Variants in MCCC1 observed in about 807,000 individuals in gnomAD.
MCCC1 encodes methylcrotonoyl-CoA carboxylase subunit alpha, mitochondrial.
In MCCC1, 64 loss-of-function variants were observed where a neutral mutation model predicts 83.8. That is an observed-to-expected ratio of 0.76 (90% CI 0.62 to 0.94). The LOEUF is 0.94. Ranked by LOEUF, MCCC1 falls within the 40% of genes least tolerant of loss-of-function variation. The pLI, the probability that MCCC1 is intolerant of heterozygous loss-of-function variation, is 0.00. For missense variants in MCCC1, 807 were observed against 904.7 expected (o/e 0.89, Z 1.39); for synonymous variants, 322 against 315.4 (o/e 1.02, Z -0.22).
At chr3:183,081,888 C>T (rs1434491853) in intron 4 of MCCC1, among the ~76,000 whole-genome samples, 1 of 152,182 alleles carries the variant, frequency 6.6e-6, no homozygotes, top group Non-Finnish European at 1.5e-5. Context: ...CACAGCTTGG[C>T]TTGCTCATGC....
chr3:183,040,556 C>CAAAAAAAA (rs59767617), intron 11 of MCCC1, among the ~76,000 whole-genome samples: 8 of 112,574 alleles, frequency 7.1e-5, no homozygotes, highest in East Asian at 2.6e-4. Context: ...ACTAAAAATA[C>CAAAAAAAA]AAAAAAAAAA....
At chr3:183,097,844 G>A (rs911581346) in intron 1 of MCCC1, among the ~76,000 whole-genome samples, 4 of 152,160 alleles carry the variant, frequency 2.6e-5, no homozygotes, top group African/African-American at 9.7e-5. Context: ...AAGAGCCCTG[G>A]AGGCCTAAGA....
At chr3:183,024,145 G>A (rs573546694) in intron 15 of MCCC1, among the ~76,000 whole-genome samples, 14 of 152,156 alleles carry the variant, frequency 9.2e-5, no homozygotes, top group Non-Finnish European at 1.9e-4. Flanking sequence ...AGTTACTTGG[G>A]AGGCTGAGGC....
Position 183,071,102 on chromosome 3 carries a change from A to C in MCCC1, c.658T>G (p.Ser220Ala). The C allele has an allele frequency of 6.2e-7, 1 of 1,614,202 alleles. No individual in the cohort carries two copies. The highest frequency in any genetic ancestry group is 8.5e-7 in the Non-Finnish European group (1 of 1,180,036). The change falls in exon 7 of 19, where the codon TCA becomes GCA. Residue 220 changes from serine (S) to alanine (A), a missense_variant. Physicochemically the swap from Ser to Ala is moderately conservative, Grantham distance 99 (BLOSUM62 1). Transcript: ENST00000265594. ...GGGKGMRIVR[S>A]EQEFQEQLES... is the part of the protein sequence containing the mutation. ...AACTGTTCTTGAAATTCTTGTTCTG[A>C]TCTAACAATCCTCATTCCCTAAGAG...
intron 15 of MCCC1, among the ~76,000 whole-genome samples, chr3:183,024,940 AAC>A (rs1712461908): frequency 6.6e-6 from 1 of 152,040 alleles, no homozygotes; most frequent in Non-Finnish European, 1.5e-5. Flanking sequence ...ATATACATAC[AAC>A]AGAGTATTTT....
chr3:183,071,489 A>C (rs1716686018), intron 5 of MCCC1, 132 bp from the exon 6 acceptor site: 8 of 1,284,258 alleles, frequency 6.2e-6, no homozygotes, highest in Non-Finnish European at 8.9e-6. Context: ...GAGACGACAA[A>C]ATAATACAAA....
chr3:183,103,886 G>T (rs892669104), upstream of MCCC1, among the ~76,000 whole-genome samples: 1 of 152,208 alleles, frequency 6.6e-6, no homozygotes, highest in African/African-American at 2.4e-5. Flanking sequence ...CCCGAGCCCT[G>T]CCCCGCGGGG....
chr3:183,046,424 A>C (rs1004339890), intron 9 of MCCC1, among the ~76,000 whole-genome samples: 1 of 148,646 alleles, frequency 6.7e-6, no homozygotes, highest in East Asian at 2.0e-4. Flanking sequence ...TTAAGATGGA[A>C]TCTCACTCTG....
chr3:183,030,564 A>C (rs945639691), intron 14 of MCCC1, among the ~76,000 whole-genome samples: 13 of 152,128 alleles, frequency 8.5e-5, no homozygotes, highest in African/African-American at 3.1e-4. Flanking sequence ...TTCTCTCCTC[A>C]TCCTGGTTTA....
At chr3:183,076,730 G>C (rs1009754630) in intron 4 of MCCC1, among the ~76,000 whole-genome samples, 3 of 152,130 alleles carry the variant, frequency 2.0e-5, no homozygotes, top group Admixed American at 2.0e-4. Context: ...TTTAAACATA[G>C]TTGTTGAGAT....
intron 14 of MCCC1, among the ~76,000 whole-genome samples, chr3:183,032,708 A>G (rs746465521): frequency 6.6e-6 from 1 of 152,048 alleles, no homozygotes; most frequent in Non-Finnish European, 1.5e-5. Context: ...CCCTGTCTCT[A>G]CTAAAAATAC....
At chr3:183,109,885 G>A (rs559879708) in intron 1 of MCCC1, among the ~76,000 whole-genome samples, 27 of 152,210 alleles carry the variant, frequency 1.8e-4, no homozygotes, top group Middle Eastern at 3.4e-3. Flanking sequence ...GTGTATAAAC[G>A]TTCCCTTTTC....
chr3:183,045,259 T>G (rs1714456732), intron 10 of MCCC1, among the ~76,000 whole-genome samples, 154 bp downstream of exon 10: 1 of 152,154 alleles, frequency 6.6e-6, no homozygotes, highest in South Asian at 2.1e-4. Context: ...TTTGTATTTT[T>G]GGTAGAGACA....
At chr3:183,031,177 T>A (rs1454673124) in intron 14 of MCCC1, among the ~76,000 whole-genome samples, 1 of 152,208 alleles carries the variant, frequency 6.6e-6, no homozygotes, top group Non-Finnish European at 1.5e-5. Context: ...CTAATCTCTC[T>A]GAGCCTTGAC....
chr3:183,111,133 T>C (rs1346726087), intron 1 of MCCC1, among the ~76,000 whole-genome samples: 1 of 152,190 alleles, frequency 6.6e-6, no homozygotes, highest in Non-Finnish European at 1.5e-5. Flanking sequence ...CTTATTCTCC[T>C]GGAACAGGCA....
At chr3:183,036,877 G>C (rs1438890920) in intron 13 of MCCC1, among the ~76,000 whole-genome samples, 3 of 151,972 alleles carry the variant, frequency 2.0e-5, no homozygotes, top group Non-Finnish European at 2.9e-5. Context: ...GTTTCACCGT[G>C]TTAGCCAGGA....
chr3:183,041,233 A>G (rs928069873), intron 11 of MCCC1, among the ~76,000 whole-genome samples: 2 of 152,214 alleles, frequency 1.3e-5, no homozygotes, highest in African/African-American at 4.8e-5. Flanking sequence ...CTTTGAAGGC[A>G]GTCTGCCTTG....
In MCCC1 at chr3:183,057,383, A is replaced by T; in HGVS notation, c.801T>A (p.Asn267Lys). ...EVQVFGDHHG[N>K]AVYLFERDCS... ...AGTCTCTTTCAAACAAGTACACAGCATTGCCATGGTGATCACCAAACACCT... is the reference window on the plus strand; with the variant it reads ...AGTCTCTTTCAAACAAGTACACAGCTTTGCCATGGTGATCACCAAACACCT... The change falls in exon 8 of 19, where the codon AAT (asparagine) becomes AAA (lysine). Residue 267 changes from asparagine to lysine, a missense_variant. Asn to Lys is a moderately conservative substitution (Grantham distance 94). Transcript: ENST00000265594. 1 of 1,610,428 alleles carries T rather than the reference A, an allele frequency of 6.2e-7. No individual in the cohort carries two copies. The highest frequency in any genetic ancestry group is 8.5e-7 in the Non-Finnish European group (1 of 1,177,990).
intron 4 of MCCC1, among the ~76,000 whole-genome samples, chr3:183,080,026 C>T (rs1292841595): frequency 6.6e-6 from 1 of 152,178 alleles, no homozygotes; most frequent in Non-Finnish European, 1.5e-5. Flanking sequence ...CTGGCCTGGC[C>T]CACAAAACCA....
Sources: allele counts gnomAD v4.1 joint callset (sites outside exome capture counted in the v4.1 genomes callset), GRCh38; gene constraint gnomAD v4.1.1; transcripts MANE v1.5; gene names NCBI Gene and HGNC (gene_info 2026-07-23, HGNC 2026-07-21).